Variants in OR51B5 observed in about 807,000 individuals in gnomAD.
The protein encoded by OR51B5 is olfactory receptor 51B5.
For synonymous variants in OR51B5, 186 were observed against 144.8 expected (o/e 1.28, Z -2.04); for missense variants, 456 against 374.6 (o/e 1.22, Z -1.79).
chr11:5,403,571 T>C (rs1216119919), intron 1 of OR51B5: 4 of 456,478 alleles, frequency 8.8e-6, no homozygotes, highest in Admixed American at 7.2e-5. Context: ...TAGGAAGAAA[T>C]GTTTTTGTTT....
At chr11:5,341,629 T>C (rs1848894688), downstream of OR51B5, among the ~76,000 whole-genome samples, 2 of 152,180 alleles carry the variant, frequency 1.3e-5, no homozygotes, top group Non-Finnish European at 2.9e-5. Flanking sequence ...GTTGTATTCT[T>C]TGGGAAATTT....
exon 1 of OR51B5, chr11:5,342,960 C>G (rs748750375): frequency 1.2e-6 from 2 of 1,613,402 alleles, no homozygotes; most frequent in Middle Eastern, 1.7e-4. Context: ...AAGGTGGTAT[C>G]AGCACAGGCG....
At chr11:5,363,135 G>A (rs191773167) in intron 1 of OR51B5, among the ~76,000 whole-genome samples, 278 of 152,026 alleles carry the variant, frequency 1.8e-3, no homozygotes, top group African/African-American at 6.3e-3. Context: ...GACCCTGAGT[G>A]TCTTCAAAAC....
chr11:5,390,336 G>C (rs112693558), intron 1 of OR51B5: 1 of 1,611,896 alleles, frequency 6.2e-7, no homozygotes, highest in Middle Eastern at 1.7e-4. Flanking sequence ...GAGATCCACC[G>C]TGCCATTATC....
chr11:5,441,116 G>C (rs749018707), intron 1 of OR51B5: 15 of 1,614,000 alleles, frequency 9.3e-6, no homozygotes, highest in Non-Finnish European at 1.2e-5. Context: ...CAGTGACATA[G>C]CGTAATGGAT....
At chr11:5,366,669 G>GAGA (rs376009034) in intron 1 of OR51B5, among the ~76,000 whole-genome samples, 29 of 149,838 alleles carry the variant, frequency 1.9e-4, no homozygotes, top group East Asian at 3.9e-4. Flanking sequence ...AAGGAAGGAA[G>GAGA]AGAAGAAGAA....
At chr11:5,390,443 G>T in intron 1 of OR51B5, 1 of 1,361,236 alleles carries the variant, frequency 7.3e-7, no homozygotes, top group Non-Finnish European at 9.9e-7. Context: ...TGAAAATTTG[G>T]AGTATTGAGT....
At chr11:5,472,938 G>T (rs1386268195) in intron 1 of OR51B5, among the ~76,000 whole-genome samples, 1 of 152,150 alleles carries the variant, frequency 6.6e-6, no homozygotes, top group Non-Finnish European at 1.5e-5. Context: ...TCCTGTACTG[G>T]TTTTAACACT....
chr11:5,412,551 G>A (rs868481658), intron 1 of OR51B5, among the ~76,000 whole-genome samples: 1 of 152,222 alleles, frequency 6.6e-6, no homozygotes, highest in African/African-American at 2.4e-5. Flanking sequence ...AGAAAGGAGT[G>A]ACAGATGGCA....
intron 1 of OR51B5, chr11:5,489,756 G>T: frequency 1.1e-6 from 1 of 872,780 alleles, no homozygotes; most frequent in Non-Finnish European, 1.8e-6. Flanking sequence ...GAAAGGAATG[G>T]TATGACATGG....
intron 1 of OR51B5, among the ~76,000 whole-genome samples, chr11:5,436,059 C>G (rs891841704): frequency 6.6e-6 from 1 of 152,064 alleles, no homozygotes; most frequent in African/African-American, 2.4e-5. Flanking sequence ...AACTGAAGTA[C>G]CTTCAGTTTT....
intron 1 of OR51B5, among the ~76,000 whole-genome samples, chr11:5,421,626 T>A (rs909691757): frequency 2.0e-5 from 3 of 152,138 alleles, no homozygotes; most frequent in Non-Finnish European, 2.9e-5. Context: ...CTAATGAGAA[T>A]AGGACAGAGT....
chr11:5,374,894 G>C (rs938472849), intron 1 of OR51B5, among the ~76,000 whole-genome samples: 16 of 151,970 alleles, frequency 1.1e-4, no homozygotes, highest in African/African-American at 3.4e-4. Context: ...ATCGAACCAA[G>C]TTGGAAAACA....
intron 1 of OR51B5, among the ~76,000 whole-genome samples, chr11:5,460,242 G>A (rs563527973): frequency 1.3e-5 from 2 of 152,266 alleles, no homozygotes; most frequent in South Asian, 4.2e-4. Context: ...CCTACTGGAG[G>A]GTGAAGGATG....
upstream of OR51B5, among the ~76,000 whole-genome samples, chr11:5,346,653 C>T (rs948878531): frequency 5.3e-5 from 8 of 152,190 alleles, no homozygotes; most frequent in Non-Finnish European, 1.0e-4. Flanking sequence ...GTTGGTAGCA[C>T]TTGGAATTGC....
chr11:5,342,456 CTTGAAGCTGTAT>C, downstream of OR51B5: 1 of 1,164,268 alleles, frequency 8.6e-7, no homozygotes, highest in Non-Finnish European at 1.2e-6. Context: ...CTTAGGGAAA[CTTGAAGCTGTAT>C]TTTAACACCT....
intron 1 of OR51B5, among the ~76,000 whole-genome samples, chr11:5,440,095 C>T (rs1850654190): frequency 6.6e-6 from 1 of 152,150 alleles, no homozygotes; most frequent in African/African-American, 2.4e-5. Flanking sequence ...CTCAACATAG[C>T]CTGTTTTTAT....
chr11:5,483,514 A>AAAAAAGAAAAG (rs1554896858), intron 1 of OR51B5, among the ~76,000 whole-genome samples: 6 of 140,934 alleles, frequency 4.3e-5, no homozygotes, highest in East Asian at 2.2e-4. Context: ...TAATTAAAAA[A>AAAAAAGAAAAG]AAAAGAAAAG....
chr11:5,441,097 G>C (rs1370521545), intron 1 of OR51B5: 1 of 1,614,014 alleles, frequency 6.2e-7, no homozygotes, highest in South Asian at 1.1e-5. Context: ...ATACGGTTGT[G>C]AGTGAGCACA....
Sources: allele counts gnomAD v4.1 joint callset (sites outside exome capture counted in the v4.1 genomes callset), GRCh38; gene constraint gnomAD v4.1.1; transcripts MANE v1.5; gene names NCBI Gene and HGNC (gene_info 2026-07-23, HGNC 2026-07-21).